Variants in OXR1 observed in about 807,000 individuals in gnomAD.
The protein encoded by OXR1 is oxidation resistance protein 1.
OXR1 carries 41 observed loss-of-function variants against 104.6 expected under a neutral mutation model. That is an observed-to-expected ratio of 0.39 (90% CI 0.31 to 0.51). The LOEUF is 0.51. OXR1 is among the 20% of genes least tolerant of loss of function. The pLI is 0.77. For missense variants in OXR1, 955 were observed against 1,031.9 expected (o/e 0.93, Z 1.02); for synonymous variants, 348 against 348.4 (o/e 1.00, Z 0.01).
In OXR1 at chr8:106,488,455, T is replaced by G. The variant is rs555480656; in HGVS notation, c.24-30488T>G. On this transcript the variant is annotated intron_variant, in intron 2 of 16. Transcript: ENST00000517566. Reference sequence around the variant, plus strand: ...AGATCCCATTTGTCAATTTTGTCTTTTGTTGCCATTGCTTTTGGTGTTTTA... The same window carrying G: ...AGATCCCATTTGTCAATTTTGTCTTGTGTTGCCATTGCTTTTGGTGTTTTA... Among the ~76,000 whole-genome samples the G allele has an allele frequency of 6.8e-3, 1,026 of 151,798 alleles. 9 individuals are homozygous for G. The highest frequency in any genetic ancestry group is 0.024 in the African/African-American group (987 of 41,380).
chr8:106,570,318 G>T (rs186505692), intron 3 of OXR1, among the ~76,000 whole-genome samples: 1 of 152,044 alleles, frequency 6.6e-6, no homozygotes, highest in Non-Finnish European at 1.5e-5. Context: ...ATAGTGCTCC[G>T]CTTTGTACTT....
intron 3 of OXR1, among the ~76,000 whole-genome samples, chr8:106,671,353 G>A (rs1051392242): frequency 6.6e-5 from 10 of 152,144 alleles, no homozygotes; most frequent in African/African-American, 2.4e-4. Context: ...AAATATGAGA[G>A]CAAAACTAAA....
intron 1 of OXR1, among the ~76,000 whole-genome samples, chr8:106,354,440 T>C (rs562299886): frequency 6.8e-4 from 104 of 152,284 alleles, no homozygotes; most frequent in Non-Finnish European, 1.2e-3. Context: ...CAAATATATA[T>C]GTACCTCATT....
At chr8:106,310,230 C>CTTT (rs10573304) in intron 1 of OXR1, among the ~76,000 whole-genome samples, 15 of 142,384 alleles carry the variant, frequency 1.1e-4, no homozygotes, top group South Asian at 2.2e-4. Flanking sequence ...TTCCTGTGAC[C>CTTT]TTTTTTTTTT....
chr8:106,421,743 G>T (rs1239390099), intron 2 of OXR1, among the ~76,000 whole-genome samples: 2 of 152,198 alleles, frequency 1.3e-5, no homozygotes, highest in South Asian at 2.1e-4. Context: ...TATCAAATTT[G>T]CTTCTATCCA....
At chr8:106,447,943 G>A in intron 2 of OXR1, 1 of 1,534,530 alleles carries the variant, frequency 6.5e-7, no homozygotes, top group Non-Finnish European at 8.7e-7. Context: ...TCTAGTACGG[G>A]GCTCACAGGT....
Position 106,667,245 on chromosome 8 carries a change from C to T in OXR1, c.221-11965C>T, listed in dbSNP as rs540358310. ...TAAGATCTCCACTTACAGTTTCTTA[C>T]GGAATTCTAATATGTAACTAGGGTT... On this transcript the variant is annotated intron_variant, in intron 3 of 16. Transcript: ENST00000517566. Among the ~76,000 whole-genome samples, 30 of 152,228 alleles carry T rather than the reference C, an allele frequency of 2.0e-4. 2 individuals carry two copies. The Middle Eastern group carries it at 0.02, about 104-fold the overall frequency.
chr8:106,487,879 A>G (rs566137327), intron 2 of OXR1, among the ~76,000 whole-genome samples: 117 of 151,992 alleles, frequency 7.7e-4, no homozygotes, highest in African/African-American at 2.6e-3. Context: ...GCCGCAATAA[A>G]CATACGTATG....
chr8:106,342,883 C>A (rs1815313713), intron 1 of OXR1, among the ~76,000 whole-genome samples: 1 of 152,280 alleles, frequency 6.6e-6, no homozygotes, highest in South Asian at 2.1e-4. Flanking sequence ...TCCCTTAAAA[C>A]CATGTTCTGG....
intron 2 of OXR1, among the ~76,000 whole-genome samples, chr8:106,429,108 A>G (rs1819254742): frequency 6.6e-6 from 1 of 152,034 alleles, no homozygotes; most frequent in Non-Finnish European, 1.5e-5. Context: ...CCACGGCTTT[A>G]TTGTCCTGGG....
chr8:106,688,442 A>C (rs571907583), intron 6 of OXR1, among the ~76,000 whole-genome samples: 31 of 152,202 alleles, frequency 2.0e-4, no homozygotes, highest in African/African-American at 5.8e-4. Flanking sequence ...TACTTTTAAG[A>C]GATTCTGAGG....
intron 3 of OXR1, among the ~76,000 whole-genome samples, chr8:106,530,489 G>A (rs573972873): frequency 6.6e-6 from 1 of 152,128 alleles, no homozygotes; most frequent in South Asian, 2.1e-4. Context: ...AATACTACAG[G>A]ATTTATGCTG....
chr8:106,386,052 A>G (rs1319416474), intron 2 of OXR1, among the ~76,000 whole-genome samples: 1 of 151,660 alleles, frequency 6.6e-6, no homozygotes, highest in Non-Finnish European at 1.5e-5. Context: ...GGTCTTTGGC[A>G]TTATAGCTGT....
chr8:106,713,993 GA>G lies in OXR1; in HGVS notation c.1956+13del. 2 of 1,549,468 alleles carry G rather than the reference GA, an allele frequency of 1.3e-6. No individual in the cohort carries two copies. Among genetic ancestry groups the G allele is most frequent in the Non-Finnish European group, 1.7e-6 (2 of 1,152,316 alleles). On this transcript the variant is annotated intron_variant, in intron 11 of 16. Coordinates refer to ENST00000517566, the MANE Select transcript of OXR1 (RefSeq NM_001198533.2). ...GCAGCCAGAGAATGGGAGGTAAGGAGAAAAATATGAAGATTTTAGTCATCTT... is the reference window on the plus strand; with the variant it reads ...GCAGCCAGAGAATGGGAGGTAAGGAGAAAATATGAAGATTTTAGTCATCTT...
chr8:106,375,294 T>G (rs1334917228), intron 2 of OXR1, among the ~76,000 whole-genome samples: 1 of 152,236 alleles, frequency 6.6e-6, no homozygotes, highest in African/African-American at 2.4e-5. Flanking sequence ...ATTAGGTTGG[T>G]GCAAAAGTAA....
At chr8:106,553,478 C>T (rs114457666) in intron 3 of OXR1, among the ~76,000 whole-genome samples, 4,014 of 151,928 alleles carry the variant, frequency 0.026, 183 homozygotes, top group African/African-American at 0.092. Context: ...GCCACCACAC[C>T]TGGCTAAATT....
intron 1 of OXR1, among the ~76,000 whole-genome samples, chr8:106,313,202 T>G (rs1039978820): frequency 6.6e-6 from 1 of 152,134 alleles, no homozygotes; most frequent in Non-Finnish European, 1.5e-5. Flanking sequence ...TGAGAAATAA[T>G]TTCTATTATC....
chr8:106,338,684 G>A (rs1367960242), intron 1 of OXR1, among the ~76,000 whole-genome samples: 3 of 151,750 alleles, frequency 2.0e-5, no homozygotes, highest in African/African-American at 7.3e-5. Context: ...TTTATAAAAC[G>A]GAGGCTACTT....
chr8:106,562,870 A>G (rs1816784176), intron 3 of OXR1, among the ~76,000 whole-genome samples: 1 of 152,170 alleles, frequency 6.6e-6, no homozygotes, highest in African/African-American at 2.4e-5. Context: ...CCGCCAAACT[A>G]AGCTTCATAA....
Sources: gnomAD v4.1 joint callset for allele counts (sites outside exome capture counted in the v4.1 genomes callset) on GRCh38, gnomAD v4.1.1 for gene constraint, MANE v1.5 for transcripts, NCBI Gene and HGNC (gene_info 2026-07-23, HGNC 2026-07-21) for gene names.